Variants in SNX29 observed in about 807,000 individuals in gnomAD.
SNX29 encodes the protein sorting nexin 29, also known as sorting nexin-29.
A neutral mutation model predicts 102.1 loss-of-function variants in SNX29; 78 were observed. The observed-to-expected ratio is 0.76, with a 90% CI of 0.64 to 0.92. The LOEUF (loss-of-function observed/expected upper bound fraction) is 0.92. Ranked by LOEUF, SNX29 falls within the 40% of genes least tolerant of loss-of-function variation. The pLI, the probability that SNX29 is intolerant of heterozygous loss-of-function variation, is 0.00. For missense variants in SNX29, 1,280 were observed against 1,061.7 expected, an observed-to-expected ratio of 1.21 and a Z score of -2.86; for synonymous variants, 580 against 414.5, an observed-to-expected ratio of 1.40 and a Z score of -4.85.
rs189537474 is a variant in SNX29, at chr16:12,510,436, G to A, written c.2179-14266G>A. Among the ~76,000 whole-genome samples the A allele has an allele frequency of 1.8e-3, 270 of 152,268 alleles. 2 individuals carry two copies. Among genetic ancestry groups the A allele is most frequent in the African/African-American group, 6.5e-3 (268 of 41,550 alleles). ...GGCCTATACAACCAGCACTTTGGGAGGCTGAGGCGGGTGGATCACTTGAGG... is the reference window on the plus strand; with the variant it reads ...GGCCTATACAACCAGCACTTTGGGAAGCTGAGGCGGGTGGATCACTTGAGG... On this transcript the variant is annotated intron_variant, in intron 19 of 20. Coordinates refer to ENST00000566228, the MANE Select transcript of SNX29 (RefSeq NM_032167.5).
At chr16:12,107,655 A>G (rs1282108067) in intron 11 of SNX29, among the ~76,000 whole-genome samples, 1 of 151,342 alleles carries the variant, frequency 6.6e-6, no homozygotes, top group Non-Finnish European at 1.5e-5. Context: ...AAACAAAAAC[A>G]AAAAAAAGAG....
At chr16:12,559,689 C>T (rs187990849) in intron 20 of SNX29, among the ~76,000 whole-genome samples, 274 of 152,192 alleles carry the variant, frequency 1.8e-3, no homozygotes, top group Middle Eastern at 3.4e-3. Flanking sequence ...GCAGTAACTT[C>T]TCGAGCTTCC....
chr16:11,998,454 C>T (rs1014725117), intron 1 of SNX29, among the ~76,000 whole-genome samples: 1 of 152,126 alleles, frequency 6.6e-6, no homozygotes, highest in Non-Finnish European at 1.5e-5. Flanking sequence ...GCCCAATGTG[C>T]AGTGGTGTGG....
chr16:12,462,731 A>G (rs2086862461), intron 18 of SNX29, among the ~76,000 whole-genome samples: 1 of 152,196 alleles, frequency 6.6e-6, no homozygotes, highest in Non-Finnish European at 1.5e-5. Flanking sequence ...AAGACTTGGC[A>G]GGTGTTTGTA....
At chr16:12,528,035 C>G (rs942959986) in intron 20 of SNX29, among the ~76,000 whole-genome samples, 1 of 151,732 alleles carries the variant, frequency 6.6e-6, no homozygotes, top group Non-Finnish European at 1.5e-5. Flanking sequence ...CCGTGTTAGC[C>G]AGGATGGTCT....
chr16:12,039,901 T>C (rs1171755062), intron 4 of SNX29, among the ~76,000 whole-genome samples: 1 of 152,202 alleles, frequency 6.6e-6, no homozygotes, highest in African/African-American at 2.4e-5. Context: ...TGTGATGATG[T>C]CAGATGTAAA....
chr16:11,981,193 C>T (rs1448572075), intron 1 of SNX29, among the ~76,000 whole-genome samples: 4 of 152,104 alleles, frequency 2.6e-5, no homozygotes, highest in Non-Finnish European at 5.9e-5. Context: ...TGGTCTCGAA[C>T]TCCTGGCCTC....
intron 20 of SNX29, among the ~76,000 whole-genome samples, chr16:12,534,811 C>T (rs1280070886): frequency 1.3e-5 from 2 of 152,178 alleles, no homozygotes; most frequent in East Asian, 1.9e-4. Flanking sequence ...CCTTACTCCC[C>T]AGTTCCAGGC....
intron 14 of SNX29, among the ~76,000 whole-genome samples, chr16:12,228,094 A>G (rs1451944902): frequency 6.6e-6 from 1 of 152,068 alleles, no homozygotes; most frequent in African/African-American, 2.4e-5. Context: ...TGGGCAACAC[A>G]GTTGAGACCC....
chr16:12,274,317 T>A (rs2079179692), intron 14 of SNX29, among the ~76,000 whole-genome samples: 1 of 152,148 alleles, frequency 6.6e-6, no homozygotes, highest in African/African-American at 2.4e-5. Context: ...CTTCTTCCAC[T>A]TCAGAAGTTG....
chr16:11,989,475 C>T (rs2055759336), intron 1 of SNX29, among the ~76,000 whole-genome samples: 1 of 152,126 alleles, frequency 6.6e-6, no homozygotes, highest in Non-Finnish European at 1.5e-5. Context: ...GAGACAGCGC[C>T]CTGACTTTGG....
At chr16:12,070,566 C>G (rs939723665) in intron 10 of SNX29, among the ~76,000 whole-genome samples, 10 of 151,774 alleles carry the variant, frequency 6.6e-5, no homozygotes, top group South Asian at 2.1e-4. Context: ...TTTTCTTAAT[C>G]CAGTCTATCT....
chr16:12,372,056 C>T (rs1021450542), intron 16 of SNX29, among the ~76,000 whole-genome samples: 1 of 152,150 alleles, frequency 6.6e-6, no homozygotes, highest in Non-Finnish European at 1.5e-5. Context: ...GACAAGTGTT[C>T]CCTCCTAGCG....
chr16:12,224,940 A>C lies in SNX29; in HGVS notation c.1678+25257A>C, dbSNP rs140445858. 4.5e-3 allele frequency among the ~76,000 whole-genome samples: 684 copies of C among 152,328 alleles called. 5 individuals are homozygous for C. The highest frequency in any genetic ancestry group is 0.015 in the African/African-American group (617 of 41,574). Reference sequence around the variant, plus strand: ...CCAAACCTGAGCATTCTCCCATCAAAGGGTGAAGACTCTTGGCTTCATAGA... The same window carrying C: ...CCAAACCTGAGCATTCTCCCATCAACGGGTGAAGACTCTTGGCTTCATAGA... On this transcript the variant is annotated intron_variant, in intron 14 of 20. Coordinates refer to ENST00000566228, the MANE Select transcript of SNX29 (RefSeq NM_032167.5).
intron 1 of SNX29, among the ~76,000 whole-genome samples, chr16:11,977,260 C>G (rs2055322281): frequency 1.3e-5 from 2 of 152,146 alleles, no homozygotes; most frequent in South Asian, 4.1e-4. Context: ...TCCACACAGG[C>G]ATAGTCTTTC....
chr16:12,526,586 T>C (rs2076789277), intron 20 of SNX29: 1 of 531,222 alleles, frequency 1.9e-6, no homozygotes, highest in African/African-American at 1.9e-5. Flanking sequence ...GCCGCGATAG[T>C]TCACGTGAGG....
At chr16:12,183,748 T>C (rs1291145289) in intron 13 of SNX29, among the ~76,000 whole-genome samples, 2 of 152,190 alleles carry the variant, frequency 1.3e-5, no homozygotes, top group African/African-American at 2.4e-5. Flanking sequence ...CTGGATGAGA[T>C]AGGAGGTCGG....
intron 15 of SNX29, among the ~76,000 whole-genome samples, chr16:12,321,744 A>C (rs1382732142): frequency 1.3e-5 from 2 of 152,132 alleles, no homozygotes; most frequent in Non-Finnish European, 2.9e-5. Context: ...ACTTGGGCCC[A>C]AACAGATGGC....
chr16:12,572,157 T>C lies in SNX29; in HGVS notation c.*3528T>C, dbSNP rs2079201445. On this transcript the variant is annotated 3_prime_UTR_variant, in exon 21 of 21. Coordinates refer to ENST00000566228, the MANE Select transcript of SNX29 (RefSeq NM_032167.5). ...ATACTTTGGAGCTTATTAAGATCAATTTTGATAACCATGTAATTTCTTAGA... is the reference window on the plus strand; with the variant it reads ...ATACTTTGGAGCTTATTAAGATCAACTTTGATAACCATGTAATTTCTTAGA... The C allele has an allele frequency of 3.0e-6, 3 of 988,042 alleles. 1 individual carries two copies. Among genetic ancestry groups the C allele is most frequent in the South Asian group, 9.8e-5 (2 of 20,440 alleles). The allele number at this position is 988,042 out of a possible 1,614,324, so 61.2% of individuals were successfully genotyped here. A position where few individuals can be genotyped will look rare whatever the true frequency, so the allele number is the denominator to read the frequency against.
Sources: gnomAD v4.1 joint callset for allele counts (sites outside exome capture counted in the v4.1 genomes callset) on GRCh38, gnomAD v4.1.1 for gene constraint, MANE v1.5 for transcripts, NCBI Gene and HGNC (gene_info 2026-07-23, HGNC 2026-07-21) for gene names.